BRD2: variants seen among roughly 807,000 people sequenced by gnomAD.
BRD2 encodes the protein bromodomain-containing protein 2.
BRD2 carries 15 observed loss-of-function variants against 79.1 expected under a neutral mutation model. That is an observed-to-expected ratio of 0.19 (90% confidence interval 0.13 to 0.29). The LOEUF (loss-of-function observed/expected upper bound fraction) is 0.29, where lower values mean the gene tolerates loss of function less well. BRD2 is among the 10% of genes least tolerant of loss of function. The pLI, the probability that BRD2 is intolerant of heterozygous loss-of-function variation, is 1.00. For missense variants in BRD2, 1,053 were observed against 991.3 expected, an observed-to-expected ratio of 1.06 and a Z score of -0.84; for synonymous variants, 488 against 358.6, an observed-to-expected ratio of 1.36 and a Z score of -4.08.
rs759614315 is a variant in BRD2 at position 32,976,662 on chromosome 6, A to G, written c.926A>G (p.Lys309Arg). The G allele has an allele frequency of 2.5e-6, 4 of 1,612,846 alleles. No homozygotes were observed. In the African/African-American group the frequency reaches 4.0e-5, roughly 16 times the overall value. Residue 309 changes from lysine (K) to arginine (R), a missense_variant, in exon 7 of 13, where the codon AAG becomes AGG. By Grantham distance (26) the Lys-to-Arg change is conservative. Around this residue, in one of 5 missense-constraint regions of BRD2, gnomAD observed 454 missense variants for 430.5 expected, o/e 1.05. Transcript: ENST00000374825. ...PASPPGSLEP[K>R]AARLPPMRRE... ...AGCCCTCCTGGGAGTCTTGAGCCTA[A>G]GGCAGCACGGCTTCCCCCTATGCGT...
chr6:32,973,525 G>A (rs1778317255), intron 2 of BRD2, among the ~76,000 whole-genome samples: 1 of 152,166 alleles, frequency 6.6e-6, no homozygotes, highest in African/African-American at 2.4e-5. Flanking sequence ...CAGGAGGGTA[G>A]AGCTAAGGTT....
intron 1 of BRD2, chr6:32,969,427 A>G (rs879053466): frequency 1.7e-4 from 118 of 707,828 alleles, no homozygotes; most frequent in South Asian, 1.4e-3. Context: ...TGTGGCCCCT[A>G]CCCGTGGATG....
intron 2 of BRD2, 50 bp from the exon 3 acceptor site, chr6:32,974,410 ACT>A: frequency 1.3e-6 from 2 of 1,556,508 alleles, no homozygotes; most frequent in Non-Finnish European, 1.7e-6. Flanking sequence ...GTGCAGATGC[ACT>A]TTTTCCTCAT....
chr6:32,980,762 C>T lies in BRD2; in HGVS notation c.*44C>T, dbSNP rs769903589. On this transcript the variant is annotated 3_prime_UTR_variant, in exon 13 of 13. Coordinates refer to ENST00000374825, the MANE Select transcript of BRD2 (RefSeq NM_005104.4). ...GCAGGAAGGCTCCGCAGGACCGGAC[C>T]CCTAGACCACCCTGCCCCACCTGCC... 6.2e-7 allele frequency: 1 copy of T among 1,605,582 alleles called. No individual in the cohort carries two copies. The highest frequency in any genetic ancestry group is 8.5e-7 in the Non-Finnish European group (1 of 1,176,186).
rs1231879570 is a variant in BRD2, at chr6:32,971,962, CT to C, written c.-936del. Reference sequence around the variant, plus strand: ...CCCTGTGGGTCTCTGCGGCACTCTTCTGCCTGGTGACTGACACCTTGGAAAT... The same window carrying C: ...CCCTGTGGGTCTCTGCGGCACTCTTCGCCTGGTGACTGACACCTTGGAAAT... On this transcript the variant is annotated 5_prime_UTR_variant, in exon 2 of 13. The change abolishes the stop of an existing upstream ORF in the 5' untranslated region. Coordinates refer to ENST00000374825, the MANE Select transcript of BRD2 (RefSeq NM_005104.4). 4.3e-6 allele frequency: 3 copies of C among 702,976 alleles called. No homozygotes were observed. 43.5% of individuals were successfully genotyped at this position (702,976 alleles called of 1,614,324 possible). A position where few individuals can be genotyped will look rare whatever the true frequency, so the allele number is the denominator to read the frequency against.
chr6:32,979,592 A>G (rs1030552931), intron 10 of BRD2: 1 of 463,396 alleles, frequency 2.2e-6, no homozygotes, highest in Admixed American at 3.8e-5. Context: ...ATATTTTTTC[A>G]TTAAGGTATG....
At position 32,971,979 on chromosome 6, in the gene BRD2, C is replaced by A; in HGVS notation, c.-920C>A. On this transcript the variant is annotated 5_prime_UTR_variant, in exon 2 of 13. Coordinates refer to ENST00000374825, the MANE Select transcript of BRD2 (RefSeq NM_005104.4). ...GCACTCTTCTGCCTGGTGACTGACA[C>A]CTTGGAAATGAAGTTTATGACGTCA... 1.4e-6 allele frequency: 1 copy of A among 702,818 alleles called. No homozygotes were observed. Among genetic ancestry groups the A allele is most frequent in the Non-Finnish European group, 2.6e-6 (1 of 384,950 alleles). 43.5% of individuals were successfully genotyped at this position (702,818 alleles called of 1,614,324 possible).
intron 3 of BRD2, 193 bp downstream of exon 3, chr6:32,974,958 C>T: frequency 5.6e-6 from 8 of 1,440,418 alleles, no homozygotes; most frequent in Admixed American, 2.0e-5. Context: ...ACTATCTTGG[C>T]ATCTTTCCTT....
At chr6:32,974,919 C>T (rs910602794) in intron 3 of BRD2, 154 bp downstream of exon 3, 1 of 1,395,202 alleles carries the variant, frequency 7.2e-7, no homozygotes, top group Non-Finnish European at 9.8e-7. Context: ...TATCTTGGTC[C>T]TTTGTGATTG....
Position 32,976,943 on chromosome 6 carries a change from A to G in BRD2, c.1200+7A>G. 2 of 1,603,668 alleles carry G rather than the reference A, an allele frequency of 1.2e-6. No homozygotes were observed. The highest frequency in any genetic ancestry group is 1.7e-6 in the Non-Finnish European group (2 of 1,173,990). ...GGACCTCAGCACTGTCAAGGTACCC[A>G]CTGCATGGGGCAGATGGGATGCTCA... On this transcript the variant is annotated splice_region_variant and intron_variant, in intron 7 of 12. Coordinates refer to ENST00000374825, the MANE Select transcript of BRD2 (RefSeq NM_005104.4).
intron 4 of BRD2, 56 bp from the exon 5 acceptor site, chr6:32,975,975 A>G (rs3918154): frequency 0.021 from 32,148 of 1,548,818 alleles, 508 homozygotes; most frequent in Middle Eastern, 0.051. Flanking sequence ...GATGGTGTGT[A>G]TCTATCTTCT....
chr6:32,975,305 T>C, intron 3 of BRD2, 79 bp from the exon 4 acceptor site: 1 of 1,163,270 alleles, frequency 8.6e-7, no homozygotes, highest in Non-Finnish European at 1.2e-6. Flanking sequence ...TGTGTGTGTG[T>C]GTGTGAGAGT....
intron 3 of BRD2, chr6:32,975,179 G>A (rs767732681): frequency 1.8e-5 from 25 of 1,376,402 alleles, no homozygotes; most frequent in Admixed American, 1.5e-4. Flanking sequence ...AGGCAGCAGG[G>A]GCCTCCCTGT....
At position 32,972,509 on chromosome 6, in the gene BRD2, A is replaced by G; in HGVS notation, c.-390A>G. On this transcript the variant is annotated 5_prime_UTR_variant, in exon 2 of 13. Coordinates refer to ENST00000374825, the MANE Select transcript of BRD2 (RefSeq NM_005104.4). ...TTTCGTGTTCATCCGCCTCCATCCG[A>G]GATCGAAACGGGACCTCGTCGGCCC... 1 of 331,642 alleles carries G rather than the reference A, an allele frequency of 3.0e-6. No homozygotes were observed. Among genetic ancestry groups the G allele is most frequent in the Non-Finnish European group, 5.6e-6 (1 of 177,810 alleles). The allele number at this position is 331,642 out of a possible 1,614,324, so 20.5% of individuals were successfully genotyped here. A position where few individuals can be genotyped will look rare whatever the true frequency, so the allele number is the denominator to read the frequency against.
Position 32,972,087 on chromosome 6 carries a change from A to C in BRD2, c.-812A>C, listed in dbSNP as rs549744598. The C allele has an allele frequency of 6.7e-5, 45 of 670,608 alleles. No homozygotes were observed. Among genetic ancestry groups the C allele is most frequent in the South Asian group, 2.2e-4 (14 of 64,238 alleles). 41.5% of individuals were successfully genotyped at this position (670,608 alleles called of 1,614,324 possible). ...CTCAGCTTCTTCACCCGCGTGAGCGAGCGCGCGCGCGCGGAGGGGGTGGGG... is the reference window on the plus strand; with the variant it reads ...CTCAGCTTCTTCACCCGCGTGAGCGCGCGCGCGCGCGCGGAGGGGGTGGGG... On this transcript the variant is annotated 5_prime_UTR_variant, in exon 2 of 13. Transcript: ENST00000374825.
chr6:32,978,613 A>T (rs41315407), intron 10 of BRD2: 18,285 of 670,044 alleles, frequency 0.027, 360 homozygotes, highest in South Asian at 0.047. Flanking sequence ...GTTCCACCTC[A>T]GATCATTGGG....
chr6:32,970,202 G>A (rs1777817921), intron 1 of BRD2: 1 of 152,570 alleles, frequency 6.6e-6, no homozygotes, highest in Admixed American at 6.5e-5. Flanking sequence ...GGGAGGTTGG[G>A]CCGCTAGGGG....
chr6:32,971,638 C>T lies in BRD2; in HGVS notation c.-1261C>T. 2.3e-6 allele frequency: 1 copy of T among 435,662 alleles called. No individual in the cohort carries two copies. The highest frequency in any genetic ancestry group is 4.1e-6 in the Non-Finnish European group (1 of 245,934). The allele number at this position is 435,662 out of a possible 1,614,324, so 27.0% of individuals were successfully genotyped here. On this transcript the variant is annotated 5_prime_UTR_variant, in exon 2 of 13. It introduces an in-frame stop codon into an upstream open reading frame of the 5' UTR. Transcript: ENST00000374825. ...CTTACCGCCGAGAACCACCACCCGCCAGGCGTCTTGCGGCCACACCCCTGG... is the reference window on the plus strand; with the variant it reads ...CTTACCGCCGAGAACCACCACCCGCTAGGCGTCTTGCGGCCACACCCCTGG...
At chr6:32,974,141 C>T (rs915821866) in intron 2 of BRD2, among the ~76,000 whole-genome samples, 2 of 152,138 alleles carry the variant, frequency 1.3e-5, no homozygotes, top group Non-Finnish European at 2.9e-5. Flanking sequence ...AAGCCCCATC[C>T]CCATAGGGCT....
Sources: allele counts gnomAD v4.1 joint callset (sites outside exome capture counted in the v4.1 genomes callset), GRCh38; gene constraint gnomAD v4.1.1; regional missense constraint gnomAD v4.1.1; transcripts MANE v1.5; gene names NCBI Gene and HGNC (gene_info 2026-07-23, HGNC 2026-07-21).